RHOT1: variants seen among roughly 807,000 people sequenced by gnomAD.
RHOT1 encodes the protein mitochondrial Rho GTPase 1.
A neutral mutation model predicts 95.3 loss-of-function variants in RHOT1; 27 were observed. That is an observed-to-expected ratio of 0.28 (90% confidence interval 0.21 to 0.39). The LOEUF (loss-of-function observed/expected upper bound fraction) is 0.39, where lower values mean the gene tolerates loss of function less well. Among genes scored for constraint, RHOT1 ranks in the 10% least tolerant of loss-of-function variants. RHOT1 has a pLI of 1.00. For missense variants in RHOT1, 578 were observed against 786.7 expected (o/e 0.73, Z 3.17); for synonymous variants, 227 against 263.5 (o/e 0.86, Z 1.34).
chr17:32,205,127 C>T (rs538553511), intron 16 of RHOT1, among the ~76,000 whole-genome samples: 24 of 151,900 alleles, frequency 1.6e-4, no homozygotes, highest in East Asian at 5.8e-4. Context: ...TTTTAAGACC[C>T]GCATGCATTA....
At chr17:32,214,773 T>A (rs2142928413) in intron 19 of RHOT1, among the ~76,000 whole-genome samples, 1 of 152,288 alleles carries the variant, frequency 6.6e-6, no homozygotes, top group East Asian at 1.9e-4. Flanking sequence ...TTTCACTGTA[T>A]TTTATTCATA....
At chr17:32,185,310 A>G (rs565135309) in intron 8 of RHOT1, among the ~76,000 whole-genome samples, 1 of 151,866 alleles carries the variant, frequency 6.6e-6, no homozygotes, top group Non-Finnish European at 1.5e-5. Context: ...GGGTTTCTCT[A>G]TGTTGGTCAG....
intron 1 of RHOT1, among the ~76,000 whole-genome samples, chr17:32,155,215 A>G (rs1386386386): frequency 6.6e-6 from 1 of 151,634 alleles, no homozygotes; most frequent in Admixed American, 6.6e-5. Flanking sequence ...GATGGAGTGC[A>G]GTGGCGCGAT....
Position 32,142,739 on chromosome 17 carries a change from C to A in RHOT1, c.37+10C>A. The stretch of plus-strand genomic sequence containing the variant: ...CTGCTGGTGGGAGAACGTGAGTCCG[C>A]ACCCTCTGGCCGGCCCCTGAGTCCC... On this transcript the variant is annotated intron_variant, in intron 1 of 19. Transcript: ENST00000545287. 1 of 1,509,124 alleles carries A rather than the reference C, an allele frequency of 6.6e-7. No homozygotes were observed. The highest frequency in any genetic ancestry group is 8.8e-7 in the Non-Finnish European group (1 of 1,130,440). 93.5% of individuals were successfully genotyped at this position (1,509,124 alleles called of 1,614,324 possible).
rs942741426 is a variant in RHOT1, at chr17:32,174,379, CTATG to C, written c.178+473_178+476del. Among the ~76,000 whole-genome samples the C allele has an allele frequency of 3.9e-5, 6 of 152,194 alleles. No homozygotes were observed. The East Asian group carries it at 1.2e-3, about 29-fold the overall frequency. On this transcript the variant is annotated intron_variant, in intron 3 of 19. Transcript: ENST00000545287. ...AAGGTTGCTACTAAAAAATTGAAAA[CTATG>C]TATGTGGCTTGCATTATCTGTATGT...
intron 11 of RHOT1, among the ~76,000 whole-genome samples, chr17:32,194,732 C>T (rs1319567939): frequency 6.6e-6 from 1 of 151,500 alleles, no homozygotes; most frequent in Non-Finnish European, 1.5e-5. Flanking sequence ...ATTTTTCTTA[C>T]ATTGTTCTTC....
intron 8 of RHOT1, among the ~76,000 whole-genome samples, chr17:32,189,786 G>A (rs1438810646): frequency 1.5e-5 from 2 of 137,474 alleles, no homozygotes; most frequent in Non-Finnish European, 3.0e-5. Context: ...AGGGTGGAGT[G>A]CAATGGCACG....
chr17:32,214,878 G>A (rs1484644294), intron 19 of RHOT1, among the ~76,000 whole-genome samples: 1 of 130,186 alleles, frequency 7.7e-6, no homozygotes. Context: ...TGAAAGAGCA[G>A]TTCTAAAAGG....
At chr17:32,223,689 C>CA (rs1400601227) in intron 19 of RHOT1, among the ~76,000 whole-genome samples, 1 of 152,190 alleles carries the variant, frequency 6.6e-6, no homozygotes, top group African/African-American at 2.4e-5. Context: ...GCTGGGATTA[C>CA]AGGCATGAGC....
At chr17:32,222,401 G>A (rs1279455470) in intron 19 of RHOT1, among the ~76,000 whole-genome samples, 1 of 152,080 alleles carries the variant, frequency 6.6e-6, no homozygotes, top group African/African-American at 2.4e-5. Flanking sequence ...AATACTTATG[G>A]TTACTACGTG....
chr17:32,223,555 C>T (rs1354549423), intron 19 of RHOT1, among the ~76,000 whole-genome samples: 2 of 151,896 alleles, frequency 1.3e-5, no homozygotes, highest in Non-Finnish European at 2.9e-5. Context: ...GCTGGGATTA[C>T]AGGCACCCAC....
At chr17:32,170,592 TA>T (rs779735768) in intron 1 of RHOT1, among the ~76,000 whole-genome samples, 7 of 152,328 alleles carry the variant, frequency 4.6e-5, no homozygotes, top group Non-Finnish European at 1.0e-4. Flanking sequence ...AAAACTTTTT[TA>T]TTATCCTCAA....
intron 6 of RHOT1, among the ~76,000 whole-genome samples, chr17:32,178,316 CGAGTGCCT>C (rs2035203442): frequency 6.6e-6 from 1 of 151,930 alleles, no homozygotes; most frequent in African/African-American, 2.4e-5. Context: ...CTCGGCCTAC[CGAGTGCCT>C]GGGATTCCAG....
At chr17:32,194,966 C>T (rs933087621) in intron 11 of RHOT1, among the ~76,000 whole-genome samples, 8 of 151,684 alleles carry the variant, frequency 5.3e-5, no homozygotes, top group East Asian at 1.9e-4. Context: ...GCTGGGAATA[C>T]AGGCGCCCGC....
At chr17:32,195,580 C>T (rs1269556453) in intron 11 of RHOT1, among the ~76,000 whole-genome samples, 1 of 152,156 alleles carries the variant, frequency 6.6e-6, no homozygotes, top group Non-Finnish European at 1.5e-5. Flanking sequence ...TCAGAGTTTT[C>T]AATCATTCTT....
At chr17:32,220,996 A>G (rs182986609) in intron 19 of RHOT1, 11 of 799,558 alleles carry the variant, frequency 1.4e-5, no homozygotes, top group East Asian at 1.3e-4. Context: ...TTATTCTAAG[A>G]TGATATTTTC....
At chr17:32,169,493 T>C (rs1435314761) in intron 1 of RHOT1, among the ~76,000 whole-genome samples, 2 of 152,234 alleles carry the variant, frequency 1.3e-5, no homozygotes, top group Non-Finnish European at 2.9e-5. Context: ...ACCTTGTTAC[T>C]AACCCTTTAA....
Position 32,214,894 on chromosome 17 carries a change from CTTTTTTTTTTTT to C in RHOT1, c.1862+3675_1862+3686del, listed in dbSNP as rs551151153. On this transcript the variant is annotated intron_variant, in intron 19 of 19. Transcript: ENST00000545287. ...GAAAGAGCAGTTCTAAAAGGCTTGT[CTTTTTTTTTTTT>C]TTTTTTTTTTTTTTTTTTGAGATGG... Among the ~76,000 whole-genome samples, 223 of 52,828 alleles carry C rather than the reference CTTTTTTTTTTTT, an allele frequency of 4.2e-3. 2 individuals carry two copies. The highest frequency in any genetic ancestry group is 0.035 in the Admixed American group (157 of 4,446). The allele number at this position is 52,828 out of a possible 152,430, so 34.7% of individuals were successfully genotyped here. A position where few individuals can be genotyped will look rare whatever the true frequency, so the allele number is the denominator to read the frequency against.
intron 1 of RHOT1, among the ~76,000 whole-genome samples, chr17:32,165,681 C>G (rs1323412195): frequency 6.6e-6 from 1 of 151,884 alleles, no homozygotes; most frequent in Non-Finnish European, 1.5e-5. Flanking sequence ...TGACTTATAC[C>G]TGCATAAATA....
Sources: gnomAD v4.1 joint callset for allele counts (sites outside exome capture counted in the v4.1 genomes callset) on GRCh38, gnomAD v4.1.1 for gene constraint, MANE v1.5 for transcripts, NCBI Gene and HGNC (gene_info 2026-07-23, HGNC 2026-07-21) for gene names.